EIF4G3: variants seen among roughly 807,000 people sequenced by gnomAD.
EIF4G3 encodes the protein eukaryotic translation initiation factor 4 gamma 3.
EIF4G3 carries 34 observed loss-of-function variants against 186.4 expected under a neutral mutation model. The ratio of observed to expected loss-of-function variants is 0.18; its 90% CI spans 0.14 to 0.24. The LOEUF (loss-of-function observed/expected upper bound fraction) is 0.24, where lower values mean the gene tolerates loss of function less well. Ranked by LOEUF, EIF4G3 falls within the 10% of genes least tolerant of loss-of-function variation. The pLI, the probability that EIF4G3 is intolerant of heterozygous loss-of-function variation, is 1.00. For missense variants in EIF4G3, 1,536 were observed against 1,948.5 expected (o/e 0.79, Z 3.99); for synonymous variants, 673 against 679.5 (o/e 0.99, Z 0.15).
At chr1:21,064,645 T>C (rs1360020321) in intron 3 of EIF4G3, 1 of 152,176 alleles carries the variant, frequency 6.6e-6, no homozygotes, top group Non-Finnish European at 1.5e-5. Flanking sequence ...GGAATGACTG[T>C]CTTGAATAAA....
chr1:20,861,564 T>C (rs1291593337), intron 23 of EIF4G3, among the ~76,000 whole-genome samples: 1 of 152,200 alleles, frequency 6.6e-6, no homozygotes, highest in Admixed American at 6.5e-5. Context: ...AATGTAAGGC[T>C]CAGAGAGTTA....
chr1:20,906,012 G>T (rs1425133108), intron 14 of EIF4G3, among the ~76,000 whole-genome samples: 2 of 152,040 alleles, frequency 1.3e-5, no homozygotes, highest in Non-Finnish European at 2.9e-5. Flanking sequence ...GGGGGAACAA[G>T]AAAAAGGAGA....
At chr1:20,865,033 G>C (rs969826155) in intron 21 of EIF4G3, 83 bp downstream of exon 21, 1 of 1,486,716 alleles carries the variant, frequency 6.7e-7, no homozygotes, top group Non-Finnish European at 9.2e-7. Flanking sequence ...AGGTAGCAGG[G>C]AGATGCTGTA....
At chr1:20,914,788 C>T (rs1029177528) in intron 14 of EIF4G3, among the ~76,000 whole-genome samples, 1 of 152,162 alleles carries the variant, frequency 6.6e-6, no homozygotes, top group African/African-American at 2.4e-5. Flanking sequence ...ATTTTTCTCA[C>T]TGATTTCCAA....
In EIF4G3 at chr1:20,893,759, C is replaced by T. The variant is rs181209885; in HGVS notation, c.2134-123G>A. On this transcript the variant is annotated intron_variant, in intron 17 of 36. Transcript: ENST00000602326. ...AACGGTAAGCACCAGCTTTGGAACCCGCAGAAGTCCAATCTCATCCATGGC... is the reference window on the plus strand; with the variant it reads ...AACGGTAAGCACCAGCTTTGGAACCTGCAGAAGTCCAATCTCATCCATGGC... 2.3e-3 allele frequency: 2,561 copies of T among 1,092,572 alleles called. 4 individuals carry two copies. The highest frequency in any genetic ancestry group is 2.9e-3 in the Non-Finnish European group (2,324 of 804,226). 67.7% of individuals were successfully genotyped at this position (1,092,572 alleles called of 1,614,324 possible).
At chr1:20,843,182 T>C (rs565397338) in intron 29 of EIF4G3, among the ~76,000 whole-genome samples, 1 of 151,680 alleles carries the variant, frequency 6.6e-6, no homozygotes, top group African/African-American at 2.4e-5. Flanking sequence ...TCAACATCAT[T>C]GTTATGCCTT....
intron 11 of EIF4G3, among the ~76,000 whole-genome samples, chr1:20,971,177 A>C (rs1428073742): frequency 2.0e-5 from 3 of 152,174 alleles, no homozygotes; most frequent in Non-Finnish European, 4.4e-5. Context: ...GAGTGCTAAG[A>C]TATAAAGGAC....
chr1:20,900,393 A>C (rs2089881470), intron 15 of EIF4G3, among the ~76,000 whole-genome samples: 1 of 152,134 alleles, frequency 6.6e-6, no homozygotes, highest in Admixed American at 6.5e-5. Flanking sequence ...AAAACATCTA[A>C]GTCCTATAAA....
At chr1:21,124,067 G>A (rs1004430136) in intron 2 of EIF4G3, among the ~76,000 whole-genome samples, 5 of 152,068 alleles carry the variant, frequency 3.3e-5, no homozygotes, top group Admixed American at 6.6e-5. Context: ...GAGGCAGGTG[G>A]ATCACCTGAG....
intron 29 of EIF4G3, among the ~76,000 whole-genome samples, chr1:20,849,129 T>G (rs540404401): frequency 1.1e-4 from 17 of 151,628 alleles, no homozygotes; most frequent in African/African-American, 3.4e-4. Context: ...GATAATGTGT[T>G]GTTTTTGTTC....
Position 20,879,488 on chromosome 1 carries a change from A to G in EIF4G3, c.2457T>C (p.Asn819=). Residue 819 remains asparagine (N), a synonymous_variant, in exon 20 of 37, where the codon AAT becomes AAC. Transcript: ENST00000602326. ...GATTGAACATCTGTGGTGTCAATTTATTTAAGATACTTCGAACTTTTCTAA... is the reference window on the plus strand; with the variant it reads ...GATTGAACATCTGTGGTGTCAATTTGTTTAAGATACTTCGAACTTTTCTAA... ...ELFRKVRSIL[N]KLTPQMFNQL... is the part of the protein sequence containing the mutation. 6.7e-7 allele frequency: 1 copy of G among 1,482,710 alleles called. No individual in the cohort carries two copies. The highest frequency in any genetic ancestry group is 9.0e-7 in the Non-Finnish European group (1 of 1,111,430). The allele number at this position is 1,482,710 out of a possible 1,614,324, so 91.8% of individuals were successfully genotyped here.
At chr1:21,009,966 T>C (rs2086512197) in intron 4 of EIF4G3, among the ~76,000 whole-genome samples, 1 of 152,116 alleles carries the variant, frequency 6.6e-6, no homozygotes, top group East Asian at 1.9e-4. Context: ...AACTGTCTTC[T>C]TAAGTGCTAC....
intron 4 of EIF4G3, among the ~76,000 whole-genome samples, chr1:21,007,284 G>A (rs1378565658): frequency 6.6e-6 from 1 of 151,880 alleles, no homozygotes; most frequent in Non-Finnish European, 1.5e-5. Flanking sequence ...TGTAATCCCA[G>A]CTACTTGGGA....
chr1:20,875,599 TA>T (rs1051722542), intron 20 of EIF4G3, among the ~76,000 whole-genome samples: 3 of 152,182 alleles, frequency 2.0e-5, no homozygotes, highest in African/African-American at 7.2e-5. Context: ...TAAAAAAGTT[TA>T]AAACATTAAA....
chr1:20,853,080 C>T (rs984667580), intron 27 of EIF4G3, among the ~76,000 whole-genome samples: 3 of 152,152 alleles, frequency 2.0e-5, no homozygotes, highest in African/African-American at 7.2e-5. Flanking sequence ...GGTGCCCATT[C>T]ATTTTATGTA....
chr1:20,996,946 T>G (rs1211137313), intron 7 of EIF4G3, among the ~76,000 whole-genome samples: 2 of 152,104 alleles, frequency 1.3e-5, no homozygotes, highest in African/African-American at 4.8e-5. Flanking sequence ...CTAAATAGAT[T>G]CCAATAGGAT....
At chr1:20,984,656 C>G (rs2079055942) in intron 7 of EIF4G3, among the ~76,000 whole-genome samples, 1 of 148,276 alleles carries the variant, frequency 6.7e-6, no homozygotes. Context: ...GTGGCGTGAT[C>G]TTGGCTCACT....
At chr1:20,950,148 G>T in intron 12 of EIF4G3, 37 bp from the exon 13 acceptor site, 1 of 1,477,366 alleles carries the variant, frequency 6.8e-7, no homozygotes, top group Non-Finnish European at 9.1e-7. Flanking sequence ...GATAATGAGC[G>T]TGCGAACATA....
At chr1:21,029,023 C>A (rs2154571679) in intron 4 of EIF4G3, among the ~76,000 whole-genome samples, 1 of 152,290 alleles carries the variant, frequency 6.6e-6, no homozygotes, top group South Asian at 2.1e-4. Context: ...GCTGGAATTA[C>A]TGGCTTGAGC....
Sources: gnomAD v4.1 joint callset for allele counts (sites outside exome capture counted in the v4.1 genomes callset) on GRCh38, gnomAD v4.1.1 for gene constraint, MANE v1.5 for transcripts, NCBI Gene and HGNC (gene_info 2026-07-23, HGNC 2026-07-21) for gene names.